The following CEP112 variants were observed in gnomAD, a reference collection of about 807,000 sequenced individuals.
CEP112 encodes the protein centrosomal protein of 112 kDa.
In CEP112, 127 loss-of-function variants were observed where a neutral mutation model predicts 153.0. The observed-to-expected ratio is 0.83, with a 90% CI of 0.72 to 0.96. The LOEUF is 0.96. Among genes scored for constraint, CEP112 ranks in the 40% least tolerant of loss-of-function variants. The pLI is 0.00. For missense variants in CEP112, 1,089 were observed against 1,101.2 expected, an observed-to-expected ratio of 0.99 and a Z score of 0.16; for synonymous variants, 358 against 374.4, an observed-to-expected ratio of 0.96 and a Z score of 0.51.
chr17:66,176,783 T>G, intron 3 of CEP112, 47 bp downstream of exon 3: 1 of 1,438,652 alleles, frequency 7.0e-7, no homozygotes, highest in Non-Finnish European at 9.4e-7. Context: ...ACTTGACGCT[T>G]TTTTTTAAAT....
intron 19 of CEP112, among the ~76,000 whole-genome samples, chr17:65,916,945 A>C (rs1015122010): frequency 1.3e-5 from 2 of 152,150 alleles, no homozygotes; most frequent in Admixed American, 6.5e-5. Context: ...AGAGGAAGAG[A>C]AGGCTCTTCA....
chr17:65,748,678 G>C (rs2145223725), intron 22 of CEP112, among the ~76,000 whole-genome samples: 1 of 152,254 alleles, frequency 6.6e-6, no homozygotes, highest in South Asian at 2.1e-4. Context: ...TCCTCCATTT[G>C]ACAAATGAGG....
intron 21 of CEP112, among the ~76,000 whole-genome samples, chr17:65,846,223 A>G (rs1334140717): frequency 1.3e-5 from 2 of 152,236 alleles, no homozygotes; most frequent in African/African-American, 4.8e-5. Flanking sequence ...GAAGAGTTCA[A>G]GCAACTGGCA....
intron 4 of CEP112, among the ~76,000 whole-genome samples, chr17:66,171,923 T>C (rs2072258558): frequency 6.6e-6 from 1 of 152,198 alleles, no homozygotes; most frequent in African/African-American, 2.4e-5. Flanking sequence ...TTCCTCACAG[T>C]GTGTGAAGGG....
chr17:66,103,133 G>A (rs993199137), intron 6 of CEP112, among the ~76,000 whole-genome samples: 4 of 151,998 alleles, frequency 2.6e-5, no homozygotes, highest in African/African-American at 9.7e-5. Flanking sequence ...GCTGAGGCAG[G>A]AGAACTGCTT....
chr17:66,147,225 TTTGA>T (rs1366358383), intron 4 of CEP112, among the ~76,000 whole-genome samples: 1 of 152,178 alleles, frequency 6.6e-6, no homozygotes, highest in African/African-American at 2.4e-5. Flanking sequence ...TCATCATAGT[TTTGA>T]TTTTTATTTC....
intron 20 of CEP112, among the ~76,000 whole-genome samples, chr17:65,899,577 G>T (rs1167165991): frequency 6.6e-6 from 1 of 151,906 alleles, no homozygotes; most frequent in Non-Finnish European, 1.5e-5. Flanking sequence ...CCTTAAGGTT[G>T]GTAACTATAC....
intron 24 of CEP112, among the ~76,000 whole-genome samples, chr17:65,643,914 C>T (rs2045289763): frequency 6.6e-6 from 1 of 152,132 alleles, no homozygotes; most frequent in Admixed American, 6.5e-5. Context: ...CTTGGGGTAC[C>T]TAGGAGGGCA....
intron 17 of CEP112, among the ~76,000 whole-genome samples, chr17:66,000,481 T>C (rs2063988006): frequency 7.5e-6 from 1 of 132,636 alleles, no homozygotes; most frequent in African/African-American, 2.8e-5. Flanking sequence ...TAGAGCAACT[T>C]GTCAGTAGAT....
intron 17 of CEP112, among the ~76,000 whole-genome samples, chr17:65,981,028 C>T (rs1054881094): frequency 2.6e-5 from 4 of 152,138 alleles, no homozygotes; most frequent in African/African-American, 9.7e-5. Context: ...GTTGACCAGG[C>T]TGGTCTTGAA....
chr17:66,164,478 A>G (rs532862052), intron 4 of CEP112, among the ~76,000 whole-genome samples: 1 of 150,784 alleles, frequency 6.6e-6, no homozygotes, highest in Non-Finnish European at 1.5e-5. Context: ...GAATCACTGA[A>G]CCCAGGAGGC....
chr17:65,869,810 C>T (rs1343315936), intron 20 of CEP112, among the ~76,000 whole-genome samples: 1 of 151,916 alleles, frequency 6.6e-6, no homozygotes, highest in Non-Finnish European at 1.5e-5. Context: ...TGGTCTCGAT[C>T]TCCTGACCTC....
rs1306946169 is a variant in CEP112, at chr17:66,066,937, T to G, written c.856-60A>C. The G allele has an allele frequency of 2.8e-6, 3 of 1,063,642 alleles. No homozygotes were observed. In the African/African-American group the frequency reaches 5.0e-5, roughly 18 times the overall value. The allele number at this position is 1,063,642 out of a possible 1,614,324, so 65.9% of individuals were successfully genotyped here. A position where few individuals can be genotyped will look rare whatever the true frequency, so the allele number is the denominator to read the frequency against. On this transcript the variant is annotated intron_variant, in intron 9 of 26. Coordinates refer to ENST00000535342, the MANE Select transcript of CEP112 (RefSeq NM_001199165.4). ...ACTACTTTACATATAGGACACTTTTTTGAATCCTGATATATTTAATTCTAA... is the reference window on the plus strand; with the variant it reads ...ACTACTTTACATATAGGACACTTTTGTGAATCCTGATATATTTAATTCTAA...
chr17:65,807,270 G>A (rs1165499199), intron 21 of CEP112, among the ~76,000 whole-genome samples: 4 of 152,178 alleles, frequency 2.6e-5, no homozygotes, highest in African/African-American at 9.7e-5. Flanking sequence ...GATGTGATTG[G>A]CTGCTTCTAA....
chr17:66,151,934 GC>G (rs1246793588), intron 4 of CEP112, among the ~76,000 whole-genome samples: 2 of 152,206 alleles, frequency 1.3e-5, no homozygotes, highest in African/African-American at 4.8e-5. Context: ...AATAAATGTT[GC>G]TTTAAGCTGC....
chr17:65,799,844 T>A lies in CEP112; in HGVS notation c.2395-49120A>T, dbSNP rs116124608. ...CACACACACTGGCACCCACACACTGTCACATTCACAAATGGATTTTTCTAT... is the reference window on the plus strand; with the variant it reads ...CACACACACTGGCACCCACACACTGACACATTCACAAATGGATTTTTCTAT... On this transcript the variant is annotated intron_variant, in intron 21 of 26. Transcript: ENST00000535342. Among the ~76,000 whole-genome samples, 480 of 152,346 alleles carry A rather than the reference T, an allele frequency of 3.2e-3. 3 individuals are homozygous for A. Among genetic ancestry groups the A allele is most frequent in the African/African-American group, 0.011 (456 of 41,592 alleles).
At chr17:65,897,882 C>A (rs2059711326) in intron 20 of CEP112, among the ~76,000 whole-genome samples, 1 of 151,712 alleles carries the variant, frequency 6.6e-6, no homozygotes, top group Non-Finnish European at 1.5e-5. Context: ...AGTCTAATGG[C>A]ATAAATTTCT....
chr17:65,968,099 T>A (rs1025348231), intron 17 of CEP112, among the ~76,000 whole-genome samples: 1 of 152,166 alleles, frequency 6.6e-6, no homozygotes, highest in Non-Finnish European at 1.5e-5. Context: ...TATATCAGTA[T>A]ATAATAAGGA....
intron 19 of CEP112, among the ~76,000 whole-genome samples, chr17:65,916,248 AGAG>A (rs2060474941): frequency 9.4e-6 from 1 of 106,254 alleles, no homozygotes. Context: ...GTTTTGAAAA[AGAG>A]TGTGTGTGTG....
Sources: allele counts gnomAD v4.1 joint callset (sites outside exome capture counted in the v4.1 genomes callset), GRCh38; gene constraint gnomAD v4.1.1; transcripts MANE v1.5; gene names NCBI Gene and HGNC (gene_info 2026-07-23, HGNC 2026-07-21).